Variants in XPO6 observed in about 807,000 individuals in gnomAD.
XPO6 encodes exportin 6, also known as exportin-6.
XPO6 carries 3 observed loss-of-function variants against 130.0 expected under a neutral mutation model. The ratio of observed to expected loss-of-function variants is 0.02; its 90% CI spans 0.01 to 0.06. The LOEUF is 0.06. Among genes scored for constraint, XPO6 ranks in the 10% least tolerant of loss-of-function variants. XPO6 has a pLI of 1.00. For synonymous variants in XPO6, 524 were observed against 548.9 expected (o/e 0.95, Z 0.63); for missense variants, 970 against 1,393.0 (o/e 0.70, Z 4.83).
intron 1 of XPO6, among the ~76,000 whole-genome samples, chr16:28,181,719 C>G (rs1490448066): frequency 2.6e-5 from 4 of 152,094 alleles, no homozygotes; most frequent in Admixed American, 2.6e-4. Flanking sequence ...TTCCAGGAGT[C>G]ATACAGTCAA....
chr16:28,101,563 G>C lies in XPO6; in HGVS notation c.3171C>G (p.Asp1057Glu), dbSNP rs1371354187. 1.2e-6 allele frequency: 2 copies of C among 1,614,140 alleles called. No homozygotes were observed. The highest frequency in any genetic ancestry group is 1.3e-5 in the African/African-American group (1 of 74,946). Reference sequence around the variant, plus strand: ...GGAAGGCGGCAAAGAAGCCATCAAAGTCGACTGAGGCCATGTTGTAGATGG... The same window carrying C: ...GGAAGGCGGCAAAGAAGCCATCAAACTCGACTGAGGCCATGTTGTAGATGG... The part of the protein sequence containing the change: ...GIAIYNMASV[D>E]FDGFFAAFLP... The change falls in exon 23 of 24, where the codon GAC becomes GAG. Residue 1057 changes from aspartate (D) to glutamate (E), a missense_variant. Around this residue, in one of 4 missense-constraint regions of XPO6, gnomAD observed 936 missense variants for 1,306.8 expected, o/e 0.72. Transcript: ENST00000304658. This position sits in a 1 kb window ranked among gnomAD's most constrained non-coding sequence, Gnocchi z 5.4.
Position 28,132,188 on chromosome 16 carries a change from G to A in XPO6, c.1606+146C>T, listed in dbSNP as rs748165352. On this transcript the variant is annotated intron_variant, in intron 12 of 23. Transcript: ENST00000304658. The surrounding 1 kb of genome is among the most constrained non-coding windows in gnomAD (Gnocchi z 4.0). ...CTTTTCATCATAAGCCTTTAAAAAC[G>A]TTCCCTGTTTCGAAGTGGGGAGAGA... 2.9e-5 allele frequency: 19 copies of A among 656,062 alleles called. No individual in the cohort carries two copies. The highest frequency in any genetic ancestry group is 4.0e-5 in the Non-Finnish European group (15 of 370,576). The allele number at this position is 656,062 out of a possible 1,614,324, so 40.6% of individuals were successfully genotyped here.
chr16:28,106,604 A>G lies in XPO6; in HGVS notation c.2498-107T>C. 1 of 830,924 alleles carries G rather than the reference A, an allele frequency of 1.2e-6. No individual in the cohort carries two copies. The highest frequency in any genetic ancestry group is 1.5e-5 in the South Asian group (1 of 66,492). The allele number at this position is 830,924 out of a possible 1,614,324, so 51.5% of individuals were successfully genotyped here. ...AATCTGCACTATCAGCTTTCTCTAC[A>G]GCTTCCTGCTGGAAACATTTCCCCA... On this transcript the variant is annotated intron_variant, in intron 18 of 23. Coordinates refer to ENST00000304658, the MANE Select transcript of XPO6 (RefSeq NM_015171.4). This position sits in a 1 kb window ranked among gnomAD's most constrained non-coding sequence, Gnocchi z 4.2.
chr16:28,184,224 C>T (rs569938967), intron 1 of XPO6, among the ~76,000 whole-genome samples: 1 of 152,314 alleles, frequency 6.6e-6, no homozygotes, highest in South Asian at 2.1e-4. Flanking sequence ...ACTTTATCTC[C>T]TGCGCTGCAT....
At chr16:28,165,632 T>C (rs1276543732) in intron 6 of XPO6, among the ~76,000 whole-genome samples, 1 of 152,224 alleles carries the variant, frequency 6.6e-6, no homozygotes, top group Admixed American at 6.5e-5. Context: ...TTCCACATAC[T>C]AACAACAGGC....
At chr16:28,194,368 A>T (rs1380714330) in intron 1 of XPO6, among the ~76,000 whole-genome samples, 1 of 152,212 alleles carries the variant, frequency 6.6e-6, no homozygotes. Flanking sequence ...AGAATGTAAG[A>T]ATGAAAACGT....
intron 1 of XPO6, among the ~76,000 whole-genome samples, chr16:28,196,774 G>C (rs1168788136): frequency 6.6e-6 from 1 of 152,124 alleles, no homozygotes; most frequent in Non-Finnish European, 1.5e-5. Context: ...CTGTTTGAAA[G>C]GGCCTGGCGC....
At chr16:28,153,206 C>G in intron 7 of XPO6, 1 of 992,812 alleles carries the variant, frequency 1.0e-6, no homozygotes, top group Non-Finnish European at 1.2e-6. Context: ...AAAAACAAAA[C>G]CAGGCTACGA....
At chr16:28,123,345 C>T (rs904041614) in intron 13 of XPO6, among the ~76,000 whole-genome samples, 2 of 152,084 alleles carry the variant, frequency 1.3e-5, no homozygotes, top group African/African-American at 2.4e-5. Flanking sequence ...TGGACTCAAG[C>T]GATCTGCTCA....
Position 28,151,569 on chromosome 16 carries a change from T to C in XPO6, c.1224+1090A>G, listed in dbSNP as rs192635780. ...ACTTCTGGGGAGAAACGAGGGGAAG[T>C]GATTGGAAAGGACATGAGGAGATTT... On this transcript the variant is annotated intron_variant, in intron 8 of 23. Coordinates refer to ENST00000304658, the MANE Select transcript of XPO6 (RefSeq NM_015171.4). Among the ~76,000 whole-genome samples, 23 of 152,110 alleles carry C rather than the reference T, an allele frequency of 1.5e-4. No homozygotes were observed. In the East Asian group the frequency reaches 2.7e-3, roughly 18 times the overall value.
At chr16:28,144,041 TGAGGCATAGTCCCA>T (rs745828847) in intron 9 of XPO6, among the ~76,000 whole-genome samples, 179 of 152,304 alleles carry the variant, frequency 1.2e-3, no homozygotes, top group Middle Eastern at 3.4e-3. Flanking sequence ...TATAGAAAAA[TGAGGCATAGTCCCA>T]GAACCAAAAA....
chr16:28,145,443 C>T (rs531155326), intron 9 of XPO6, among the ~76,000 whole-genome samples: 31 of 152,148 alleles, frequency 2.0e-4, no homozygotes, highest in African/African-American at 7.5e-4. Flanking sequence ...GTTTGAGAAA[C>T]ATATGGGGGG....
At chr16:28,177,917 G>A (rs965830382) in intron 2 of XPO6, among the ~76,000 whole-genome samples, 1 of 152,206 alleles carries the variant, frequency 6.6e-6, no homozygotes, top group African/African-American at 2.4e-5. Flanking sequence ...TCGACCGGTG[G>A]CAAGAGCAAC....
intron 7 of XPO6, chr16:28,155,710 A>C (rs1365867651): frequency 1.6e-5 from 3 of 189,730 alleles, no homozygotes; most frequent in Non-Finnish European, 3.3e-5. Flanking sequence ...ACCTCCACGG[A>C]CCTCTTCTCC....
chr16:28,209,904 TGAG>T (rs755081197), intron 1 of XPO6, among the ~76,000 whole-genome samples: 10 of 151,978 alleles, frequency 6.6e-5, no homozygotes, highest in Non-Finnish European at 1.3e-4. Flanking sequence ...TTTGGGAGGC[TGAG>T]GAGGACGGAT....
At chr16:28,104,063 T>A (rs118111704) in intron 21 of XPO6, among the ~76,000 whole-genome samples, 2,110 of 152,252 alleles carry the variant, frequency 0.014, 26 homozygotes, top group Admixed American at 0.026. Flanking sequence ...CCCCAGACAG[T>A]GCACTCTCTC....
intron 18 of XPO6, among the ~76,000 whole-genome samples, chr16:28,107,243 C>A (rs978034531): frequency 6.6e-6 from 1 of 152,148 alleles, no homozygotes; most frequent in South Asian, 2.1e-4. Flanking sequence ...GGCAAATGCA[C>A]CTTGCCACAA....
chr16:28,163,976 T>C (rs148807870), intron 6 of XPO6, among the ~76,000 whole-genome samples: 2 of 152,240 alleles, frequency 1.3e-5, no homozygotes, highest in East Asian at 3.9e-4. Flanking sequence ...AGGTAACAAT[T>C]TGGGGGAACT....
chr16:28,125,808 C>G lies in XPO6; in HGVS notation c.1647G>C (p.Arg549=), dbSNP rs1182493731. 8 of 1,614,032 alleles carry G rather than the reference C, an allele frequency of 5.0e-6. No homozygotes were observed. The South Asian group carries it at 7.7e-5, about 16-fold the overall frequency. The change falls in exon 13 of 24, where the codon CGG becomes CGC. Residue 549 remains arginine (R), a synonymous_variant. Transcript: ENST00000304658. ...LNITAENDCR[R]LHCSLRDLSS... ...TCAAGTCTCTCAGGGAGCAGTGCAG[C>G]CGCCGGCAGTCGTTCTCCGCCGTGA...
Sources: allele counts gnomAD v4.1 joint callset (sites outside exome capture counted in the v4.1 genomes callset), GRCh38; gene constraint gnomAD v4.1.1; regional missense constraint gnomAD v4.1.1; non-coding constraint Gnocchi (gnomAD v3.1); transcripts MANE v1.5; gene names NCBI Gene and HGNC (gene_info 2026-07-23, HGNC 2026-07-21).